Variants in MGAT4C observed in about 807,000 individuals in gnomAD.
MGAT4C encodes MGAT4 family member C.
MGAT4C carries 19 observed loss-of-function variants against 40.1 expected under a neutral mutation model. The observed-to-expected ratio is 0.47, with a 90% CI of 0.33 to 0.70. MGAT4C has a LOEUF of 0.70. Ranked by LOEUF, MGAT4C falls within the 30% of genes least tolerant of loss-of-function variation. The pLI is 0.02. For synonymous variants in MGAT4C, 181 were observed against 187.1 expected, an observed-to-expected ratio of 0.97 and a Z score of 0.27; for missense variants, 491 against 563.2, an observed-to-expected ratio of 0.87 and a Z score of 1.30.
chr12:86,661,728 T>C (rs985424477), intron 2 of MGAT4C, among the ~76,000 whole-genome samples: 2 of 152,042 alleles, frequency 1.3e-5, no homozygotes, highest in African/African-American at 4.8e-5. Flanking sequence ...GGTGGATCAC[T>C]TGAGGTCAGG....
At chr12:86,439,475 G>A (rs908907184) in intron 2 of MGAT4C, among the ~76,000 whole-genome samples, 8 of 151,874 alleles carry the variant, frequency 5.3e-5, no homozygotes, top group African/African-American at 1.4e-4. Flanking sequence ...TACTGCAAAC[G>A]CAATGCTAAG....
rs561383064 is a variant in MGAT4C at position 86,308,831 on chromosome 12, T to G, written c.-57+25234A>C. 2.5e-3 allele frequency among the ~76,000 whole-genome samples: 369 copies of G among 150,584 alleles called. 2 individuals are homozygous for G. Among genetic ancestry groups the G allele is most frequent in the Middle Eastern group, 0.017 (5 of 294 alleles). On this transcript the variant is annotated intron_variant, in intron 4 of 7. Transcript: ENST00000548651. The stretch of plus-strand genomic sequence containing the variant: ...TTATTTCACTTGATGTTTACAAAAA[T>G]TTTTGATGTCAGATTGTGATCTCTG...
In MGAT4C at chr12:86,014,676, G is replaced by A. The variant is rs976905649; in HGVS notation, c.-6-25124C>T. 2.0e-5 allele frequency among the ~76,000 whole-genome samples: 3 copies of A among 152,054 alleles called. No individual in the cohort carries two copies. In the East Asian group the frequency reaches 5.8e-4, roughly 29 times the overall value. On this transcript the variant is annotated intron_variant, in intron 2 of 4. Coordinates refer to ENST00000611864, the MANE Select transcript of MGAT4C (RefSeq NM_001351288.2). ...TTTCACCCTGCTGTTGGCAAGAATT[G>A]GGGGAAGAAACCTAATGCCCCCTCG...
rs1323044071 is a variant in MGAT4C at position 85,976,142 on chromosome 12, AT to A, written c.*3146del. The A allele has an allele frequency of 6.6e-6, 1 of 151,070 alleles. No homozygotes were observed. The highest frequency in any genetic ancestry group is 2.4e-5 in the African/African-American group (1 of 41,360). The allele number at this position is 151,070 out of a possible 1,614,324, so 9.4% of individuals were successfully genotyped here. A position where few individuals can be genotyped will look rare whatever the true frequency, so the allele number is the denominator to read the frequency against. On this transcript the variant is annotated 3_prime_UTR_variant, in exon 5 of 5. Transcript: ENST00000611864. ...AGAACAGTTTTTCTATGATAGCATT[AT>A]AAAAATTCCCAGAGAATACTGGCCC...
rs976603338 is a variant in MGAT4C, at chr12:86,287,353, CT to C, written c.-57+46711del. Among the ~76,000 whole-genome samples, 275 of 135,912 alleles carry C rather than the reference CT, an allele frequency of 2.0e-3. 1 individual carries two copies. The highest frequency in any genetic ancestry group is 7.4e-3 in the African/African-American group (264 of 35,698). The allele number at this position is 135,912 out of a possible 152,430, so 89.2% of individuals were successfully genotyped here. ...TTTCCATTTCTTTTTTTTCTTTATACTTTTTTTTTCTTTTTAATTATACTTT... is the reference window on the plus strand; with the variant it reads ...TTTCCATTTCTTTTTTTTCTTTATACTTTTTTTTCTTTTTAATTATACTTT... On this transcript the variant is annotated intron_variant, in intron 4 of 7. Coordinates refer to the MGAT4C transcript ENST00000548651.
intron 2 of MGAT4C, among the ~76,000 whole-genome samples, chr12:86,479,747 T>C (rs1258431464): frequency 2.0e-5 from 3 of 151,912 alleles, no homozygotes; most frequent in Non-Finnish European, 4.4e-5. Flanking sequence ...TGGAGCCTTT[T>C]CACTTTCAAA....
intron 2 of MGAT4C, among the ~76,000 whole-genome samples, chr12:86,553,122 A>C (rs1309379603): frequency 6.6e-6 from 1 of 152,120 alleles, no homozygotes; most frequent in Non-Finnish European, 1.5e-5. Flanking sequence ...CATAATTATC[A>C]AGCAAATCAC....
intron 1 of MGAT4C, among the ~76,000 whole-genome samples, chr12:86,816,582 A>G (rs1215886945): frequency 6.6e-6 from 1 of 151,674 alleles, no homozygotes; most frequent in Non-Finnish European, 1.5e-5. Flanking sequence ...TCATTTTTTA[A>G]TACATTCTGG....
At chr12:86,568,121 T>C (rs982056983) in intron 2 of MGAT4C, among the ~76,000 whole-genome samples, 10 of 152,072 alleles carry the variant, frequency 6.6e-5, no homozygotes, top group African/African-American at 9.7e-5. Context: ...ATACAAAGCA[T>C]TGTTCCTGGG....
At chr12:86,835,925 A>T (rs1039637598) in intron 1 of MGAT4C, among the ~76,000 whole-genome samples, 20 of 151,834 alleles carry the variant, frequency 1.3e-4, no homozygotes, top group African/African-American at 4.3e-4. Flanking sequence ...GAACATCCTT[A>T]TGGGAAAATA....
chr12:86,568,974 C>A (rs1362075688), intron 2 of MGAT4C, among the ~76,000 whole-genome samples: 1 of 151,732 alleles, frequency 6.6e-6, no homozygotes, highest in African/African-American at 2.4e-5. Flanking sequence ...TAAAAAGGCG[C>A]TTCCATTTAA....
At chr12:86,086,583 A>T (rs927983866) in intron 1 of MGAT4C, among the ~76,000 whole-genome samples, 2 of 152,096 alleles carry the variant, frequency 1.3e-5, no homozygotes, top group African/African-American at 4.8e-5. Context: ...TATGGGGTAT[A>T]TGTGACATTT....
At chr12:86,764,101 T>C (rs1361607622) in intron 1 of MGAT4C, among the ~76,000 whole-genome samples, 2 of 152,112 alleles carry the variant, frequency 1.3e-5, no homozygotes, top group African/African-American at 4.8e-5. Context: ...GGGAGTTCCC[T>C]TTCCTAGTCA....
chr12:86,216,194 G>A (rs1047468923), intron 1 of MGAT4C, among the ~76,000 whole-genome samples: 3 of 152,108 alleles, frequency 2.0e-5, no homozygotes, highest in African/African-American at 7.2e-5. Flanking sequence ...CAGAATTATG[G>A]TAACTAGTGC....
At chr12:86,246,316 G>C (rs1358524271) in intron 1 of MGAT4C, among the ~76,000 whole-genome samples, 1 of 151,476 alleles carries the variant, frequency 6.6e-6, no homozygotes, top group Admixed American at 6.6e-5. Context: ...CTCCGGAGTA[G>C]CTGGGACTAC....
intron 2 of MGAT4C, among the ~76,000 whole-genome samples, chr12:86,551,170 A>C (rs146270194): frequency 1.3e-5 from 2 of 152,340 alleles, no homozygotes; most frequent in African/African-American, 4.8e-5. Flanking sequence ...AGGCCAGCCA[A>C]ATAGCTATAT....
chr12:86,312,920 A>T (rs915614398), intron 4 of MGAT4C, among the ~76,000 whole-genome samples: 1 of 152,162 alleles, frequency 6.6e-6, no homozygotes, highest in African/African-American at 2.4e-5. Context: ...AGCCCCAAGC[A>T]TAATATTCAA....
intron 2 of MGAT4C, among the ~76,000 whole-genome samples, chr12:86,506,318 T>A (rs1958472030): frequency 6.6e-6 from 1 of 152,210 alleles, no homozygotes; most frequent in Non-Finnish European, 1.5e-5. Flanking sequence ...AAATGAAAGT[T>A]TTGTTTTGCC....
At chr12:86,525,796 G>A (rs1320331181) in intron 2 of MGAT4C, among the ~76,000 whole-genome samples, 1 of 152,180 alleles carries the variant, frequency 6.6e-6, no homozygotes, top group Non-Finnish European at 1.5e-5. Flanking sequence ...GATCATTGAG[G>A]TTAGGAATCC....
Sources: gnomAD v4.1 joint callset for allele counts (sites outside exome capture counted in the v4.1 genomes callset) on GRCh38, gnomAD v4.1.1 for gene constraint, MANE v1.5 for transcripts, NCBI Gene and HGNC (gene_info 2026-07-23, HGNC 2026-07-21) for gene names.